The following SPATS2 variants were observed in gnomAD, a reference collection of about 807,000 sequenced individuals.
The protein encoded by SPATS2 is spermatogenesis associated serine rich 2, also known as spermatogenesis-associated serine-rich protein 2.
SPATS2 carries 38 observed loss-of-function variants against 63.7 expected under a neutral mutation model. The ratio of observed to expected loss-of-function variants is 0.60; its 90% confidence interval spans 0.46 to 0.78. The LOEUF is 0.78. Ranked by LOEUF, SPATS2 falls within the 30% of genes least tolerant of loss-of-function variation. SPATS2 has a pLI of 0.00. For synonymous variants in SPATS2, 207 were observed against 232.9 expected, an observed-to-expected ratio of 0.89 and a Z score of 1.01; for missense variants, 588 against 666.2, an observed-to-expected ratio of 0.88 and a Z score of 1.29.
At chr12:49,500,419 G>A (rs1946544838) in intron 9 of SPATS2, among the ~76,000 whole-genome samples, 1 of 152,152 alleles carries the variant, frequency 6.6e-6, no homozygotes, top group South Asian at 2.1e-4. Flanking sequence ...CTAGAAATGA[G>A]CTGGAGTTTA....
At chr12:49,437,002 C>A (rs1029210120) in intron 2 of SPATS2, among the ~76,000 whole-genome samples, 1 of 151,286 alleles carries the variant, frequency 6.6e-6, no homozygotes, top group Admixed American at 6.6e-5. Flanking sequence ...GCTGGCCGGG[C>A]GGGGGGCTGA....
chr12:49,522,377 A>T (rs1475294133), intron 11 of SPATS2, among the ~76,000 whole-genome samples: 2 of 152,242 alleles, frequency 1.3e-5, no homozygotes, highest in Non-Finnish European at 2.9e-5. Context: ...GTATCATTGT[A>T]GTACCTTGTA....
chr12:49,417,982 C>T (rs966836323), intron 2 of SPATS2, among the ~76,000 whole-genome samples: 2 of 152,176 alleles, frequency 1.3e-5, no homozygotes, highest in Non-Finnish European at 2.9e-5. Flanking sequence ...CCGGCTTATG[C>T]CATCCTCCCA....
intron 10 of SPATS2, among the ~76,000 whole-genome samples, chr12:49,518,275 T>A (rs2138068836): frequency 6.6e-6 from 1 of 152,358 alleles, no homozygotes; most frequent in East Asian, 1.9e-4. Context: ...GTTTATCTGC[T>A]TCCTGGGAGG....
intron 9 of SPATS2, among the ~76,000 whole-genome samples, chr12:49,509,273 CTTTTTTTTT>C (rs1186617900): frequency 1.3e-5 from 1 of 77,804 alleles, no homozygotes; most frequent in Non-Finnish European, 2.3e-5. Flanking sequence ...GTTCTAACTT[CTTTTTTTTT>C]TTTTTTTTTT....
At chr12:49,368,082 C>G (rs1000263023) in intron 1 of SPATS2, among the ~76,000 whole-genome samples, 3 of 152,124 alleles carry the variant, frequency 2.0e-5, no homozygotes, top group Non-Finnish European at 4.4e-5. Context: ...AATGGAAAAT[C>G]AGGCGAACAG....
At chr12:49,495,487 G>A (rs894197907) in intron 7 of SPATS2, among the ~76,000 whole-genome samples, 2 of 151,936 alleles carry the variant, frequency 1.3e-5, no homozygotes, top group Non-Finnish European at 2.9e-5. Flanking sequence ...GTTGCCCACC[G>A]CGCCTGGCTG....
intron 2 of SPATS2, among the ~76,000 whole-genome samples, chr12:49,375,193 TGTGGTGG>T (rs1944078166): frequency 1.3e-5 from 1 of 79,158 alleles, no homozygotes; most frequent in Non-Finnish European, 2.4e-5. Context: ...TGTGTGTGTG[TGTGGTGG>T]TAGTGGTCTT....
intron 8 of SPATS2, among the ~76,000 whole-genome samples, chr12:49,499,348 A>G (rs949205039): frequency 6.6e-6 from 1 of 152,024 alleles, no homozygotes; most frequent in Non-Finnish European, 1.5e-5. Flanking sequence ...GTGTGAGCAC[A>G]AACTGTCCCT....
At position 49,439,298 on chromosome 12, in the gene SPATS2, G is replaced by A. The variant is rs1945374548; in HGVS notation, c.-243-21472G>A. ...AGTTCCAGGGGCCAGGTCAGGTAGG[G>A]CTTGCTGGTCATGGGGAGCACTGAA... On this transcript the variant is annotated intron_variant, in intron 2 of 13. Coordinates refer to ENST00000552918, the MANE Select transcript of SPATS2 (RefSeq NM_023071.4). 4.6e-5 allele frequency among the ~76,000 whole-genome samples: 7 copies of A among 152,278 alleles called. No individual in the cohort carries two copies. The South Asian group carries it at 1.5e-3, about 32-fold the overall frequency.
At chr12:49,426,040 T>G (rs189975427) in intron 2 of SPATS2, among the ~76,000 whole-genome samples, 1 of 152,334 alleles carries the variant, frequency 6.6e-6, no homozygotes, top group East Asian at 1.9e-4. Context: ...TATTGCATAG[T>G]GGGAAGAGAA....
At chr12:49,420,112 TGAGAA>T (rs941419185) in intron 2 of SPATS2, among the ~76,000 whole-genome samples, 2 of 152,212 alleles carry the variant, frequency 1.3e-5, no homozygotes, top group Non-Finnish European at 2.9e-5. Flanking sequence ...ATTTTGGAAC[TGAGAA>T]GAGACAAGGC....
At chr12:49,391,373 G>C (rs761448465) in intron 2 of SPATS2, among the ~76,000 whole-genome samples, 1 of 152,172 alleles carries the variant, frequency 6.6e-6, no homozygotes, top group Non-Finnish European at 1.5e-5. Flanking sequence ...TTAGCTGGTC[G>C]TGGAGGCGTG....
intron 3 of SPATS2, among the ~76,000 whole-genome samples, chr12:49,472,645 T>A (rs1031839329): frequency 6.8e-6 from 1 of 148,102 alleles, no homozygotes; most frequent in Non-Finnish European, 1.5e-5. Context: ...TTATATTATA[T>A]TATTATATTA....
intron 2 of SPATS2, among the ~76,000 whole-genome samples, chr12:49,398,921 A>G (rs1050717136): frequency 1.3e-5 from 2 of 152,178 alleles, no homozygotes; most frequent in African/African-American, 2.4e-5. Flanking sequence ...TACAATTTCA[A>G]TGAAAACAGC....
intron 2 of SPATS2, among the ~76,000 whole-genome samples, chr12:49,419,293 A>G (rs992964096): frequency 2.0e-5 from 3 of 152,332 alleles, no homozygotes; most frequent in East Asian, 1.9e-4. Context: ...ATTATTTCCA[A>G]TCTAAATTGC....
At chr12:49,411,712 A>G (rs1277324453) in intron 2 of SPATS2, among the ~76,000 whole-genome samples, 2 of 152,170 alleles carry the variant, frequency 1.3e-5, no homozygotes, top group Non-Finnish European at 2.9e-5. Flanking sequence ...AACCGCTGCT[A>G]AATAATTTAG....
intron 10 of SPATS2, among the ~76,000 whole-genome samples, chr12:49,516,607 G>A (rs1946855130): frequency 6.6e-6 from 1 of 151,732 alleles, no homozygotes; most frequent in South Asian, 2.1e-4. Context: ...TCGGGAGGCT[G>A]AGGCAGGAGA....
At position 49,526,420 on chromosome 12, in the gene SPATS2, C is replaced by A; in HGVS notation, c.*165C>A. 1 of 851,614 alleles carries A rather than the reference C, an allele frequency of 1.2e-6. No homozygotes were observed. The highest frequency in any genetic ancestry group is 1.7e-6 in the Non-Finnish European group (1 of 575,196). 52.8% of individuals were successfully genotyped at this position (851,614 alleles called of 1,614,324 possible). ...TCTTGTCTCCTTATTTCCTCTTTAC[C>A]ATTTTTGGAGGGGAAGCTATTTTTT... On this transcript the variant is annotated 3_prime_UTR_variant, in exon 14 of 14. Coordinates refer to ENST00000552918, the MANE Select transcript of SPATS2 (RefSeq NM_023071.4).
Sources: gnomAD v4.1 joint callset for allele counts (sites outside exome capture counted in the v4.1 genomes callset) on GRCh38, gnomAD v4.1.1 for gene constraint, MANE v1.5 for transcripts, NCBI Gene and HGNC (gene_info 2026-07-23, HGNC 2026-07-21) for gene names.